Variants in BLTP3A observed in about 807,000 individuals in gnomAD.
BLTP3A encodes bridge-like lipid transfer protein family member 3A.
chr6:34,827,734 C>T, the BLTP3A span, among the ~76,000 whole-genome samples: 8 of 152,220 alleles, frequency 5.3e-5, no homozygotes, highest in East Asian at 1.9e-4. Context: ...CGGGTTCAAG[C>T]GATTCTCCTG....
the BLTP3A span, chr6:34,834,212 T>TG: frequency 6.2e-7 from 1 of 1,613,202 alleles, no homozygotes; most frequent in South Asian, 1.1e-5. Flanking sequence ...CCTCATTTGT[T>TG]GTAGTGAATA....
At chr6:34,819,380 A>G in the BLTP3A span, among the ~76,000 whole-genome samples, 2 of 139,530 alleles carry the variant, frequency 1.4e-5, no homozygotes, top group African/African-American at 5.4e-5. Flanking sequence ...GGGTTATGCT[A>G]TGAGGAACTG....
At chr6:34,834,816 G>C in the BLTP3A span, 4 of 1,614,166 alleles carry the variant, frequency 2.5e-6, no homozygotes, top group Non-Finnish European at 3.4e-6. Context: ...CTCCATTGAG[G>C]CTTATTACGA....
the BLTP3A span, among the ~76,000 whole-genome samples, chr6:34,831,798 T>G: frequency 1.3e-5 from 2 of 152,162 alleles, no homozygotes; most frequent in African/African-American, 4.8e-5. Context: ...TAGTTTTGAT[T>G]TATGAGTGAG....
At chr6:34,858,817 C>T in the BLTP3A span, 18,893 of 1,614,092 alleles carry the variant, frequency 0.012, 176 homozygotes, top group Non-Finnish European at 0.012. Context: ...TATGCTTGTA[C>T]ATTCCCCGGC....
chr6:34,867,450 G>C, the BLTP3A span: 8 of 1,613,866 alleles, frequency 5.0e-6, no homozygotes, highest in Non-Finnish European at 6.8e-6. Context: ...AAAACTAAGA[G>C]AATCTCCTTT....
At chr6:34,802,523 C>T in the BLTP3A span, among the ~76,000 whole-genome samples, 1 of 152,146 alleles carries the variant, frequency 6.6e-6, no homozygotes, top group South Asian at 2.1e-4. Flanking sequence ...GCACCCACCA[C>T]CATGCTCAGC....
the BLTP3A span, among the ~76,000 whole-genome samples, chr6:34,799,764 G>A: frequency 2.6e-5 from 4 of 152,116 alleles, no homozygotes; most frequent in Non-Finnish European, 5.9e-5. Context: ...GCATAATAAC[G>A]CATAATGCTT....
chr6:34,831,027 T>C, the BLTP3A span, among the ~76,000 whole-genome samples: 2 of 152,212 alleles, frequency 1.3e-5, no homozygotes, highest in Non-Finnish European at 2.9e-5. Flanking sequence ...TATTAATTTG[T>C]AGAAGTTCTT....
the BLTP3A span, chr6:34,792,287 C>G: frequency 1.3e-6 from 2 of 1,544,306 alleles, no homozygotes; most frequent in Non-Finnish European, 1.7e-6. Flanking sequence ...CCTGAAACAC[C>G]TGTCCCGGTG....
the BLTP3A span, chr6:34,857,920 G>C: frequency 6.2e-7 from 1 of 1,610,856 alleles, no homozygotes; most frequent in Non-Finnish European, 8.5e-7. Flanking sequence ...GGTTGAAGGT[G>C]AGGGGAGAGT....
the BLTP3A span, chr6:34,867,501 T>A: frequency 6.2e-7 from 1 of 1,614,044 alleles, no homozygotes; most frequent in South Asian, 1.1e-5. Context: ...ATGAGGTGTC[T>A]TTTGGGATTG....
chr6:34,824,293 G>A, the BLTP3A span, among the ~76,000 whole-genome samples: 2 of 152,122 alleles, frequency 1.3e-5, no homozygotes, highest in African/African-American at 4.8e-5. Context: ...AGCACTTTGG[G>A]AGGCTGAGGT....
the BLTP3A span, among the ~76,000 whole-genome samples, chr6:34,799,356 G>A: frequency 6.6e-6 from 1 of 152,122 alleles, no homozygotes; most frequent in Admixed American, 6.5e-5. Flanking sequence ...CAGGCATGGT[G>A]GTTCACACCT....
chr6:34,859,343 C>G, the BLTP3A span: 1 of 1,614,192 alleles, frequency 6.2e-7, no homozygotes, highest in Non-Finnish European at 8.5e-7. Context: ...AAGCCCCCAG[C>G]TGGCAGGGAG....
At chr6:34,872,257 G>A in the BLTP3A span, 28 of 1,548,506 alleles carry the variant, frequency 1.8e-5, no homozygotes, top group Non-Finnish European at 2.4e-5. Context: ...CTTTACTGGC[G>A]GTTGTTGCAA....
At chr6:34,843,370 TATTCA>T in the BLTP3A span, among the ~76,000 whole-genome samples, 10 of 152,246 alleles carry the variant, frequency 6.6e-5, no homozygotes, top group Non-Finnish European at 1.3e-4. Context: ...CTGTAATAGT[TATTCA>T]ATTCATCATT....
chr6:34,872,730 C>A, the BLTP3A span: 1 of 216,846 alleles, frequency 4.6e-6, no homozygotes, highest in Non-Finnish European at 9.1e-6. Flanking sequence ...TAGGTGGAAT[C>A]TTCTCAACAC....
At chr6:34,832,327 G>A in the BLTP3A span, among the ~76,000 whole-genome samples, 1 of 151,958 alleles carries the variant, frequency 6.6e-6, no homozygotes, top group East Asian at 1.9e-4. Flanking sequence ...TCACTATGTT[G>A]CTGGGCTGAG....
Sources: gnomAD v4.1 joint callset for allele counts (sites outside exome capture counted in the v4.1 genomes callset) on GRCh38, gnomAD v4.1.1 for gene constraint, MANE v1.5 for transcripts, NCBI Gene and HGNC (gene_info 2026-07-23, HGNC 2026-07-21) for gene names.